The following CELF2 variants were observed in gnomAD, a reference collection of about 807,000 sequenced individuals.
CELF2 encodes the protein CUGBP Elav-like family member 2, also known as CUG triplet repeat RNA-binding protein 2.
A neutral mutation model predicts 62.6 loss-of-function variants in CELF2; 8 were observed. The ratio of observed to expected loss-of-function variants is 0.13; its 90% CI spans 0.07 to 0.23. The LOEUF (loss-of-function observed/expected upper bound fraction) is 0.23. CELF2 is among the 10% of genes least tolerant of loss of function. The probability of loss-of-function intolerance (pLI) is 1.00; values close to 1 mark genes in which losing one functional copy is unlikely to be tolerated. For synonymous variants in CELF2, 258 were observed against 250.0 expected (o/e 1.03, Z -0.30); for missense variants, 333 against 671.0 (o/e 0.50, Z 5.56).
At chr10:10,715,494 T>A in the CELF2 span, among the ~76,000 whole-genome samples, 1 of 152,250 alleles carries the variant, frequency 6.6e-6, no homozygotes. Flanking sequence ...CCATATTTAC[T>A]GTTTACTACC....
At chr10:10,503,317 A>C in the CELF2 span, among the ~76,000 whole-genome samples, 1 of 151,972 alleles carries the variant, frequency 6.6e-6, no homozygotes, top group Non-Finnish European at 1.5e-5. Context: ...AGTTGCGGAA[A>C]GCAGAATGTT....
rs1420559531 is a variant in CELF2 at position 11,306,277 on chromosome 10, C to T, written c.977-7862C>T. ...TAGACCGCACCTCTCCTGAGATGCTCCTTTGGCATTTTGTAAAACTTTTAA... is the reference window on the plus strand; with the variant it reads ...TAGACCGCACCTCTCCTGAGATGCTTCTTTGGCATTTTGTAAAACTTTTAA... On this transcript the variant is annotated intron_variant, in intron 9 of 12. Coordinates refer to ENST00000633077, the MANE Select transcript of CELF2 (RefSeq NM_001326342.2). This position sits in a 1 kb window ranked among gnomAD's most constrained non-coding sequence, Gnocchi z 4.4. 6.6e-6 allele frequency among the ~76,000 whole-genome samples: 1 copy of T among 151,854 alleles called. No individual in the cohort carries two copies. Among genetic ancestry groups the T allele is most frequent in the Non-Finnish European group, 1.5e-5 (1 of 67,994 alleles).
the CELF2 span, among the ~76,000 whole-genome samples, chr10:10,619,762 T>C: frequency 6.6e-6 from 1 of 152,200 alleles, no homozygotes; most frequent in Non-Finnish European, 1.5e-5. Flanking sequence ...GAAAAACATT[T>C]TCCTAAGGGT....
Position 11,269,506 on chromosome 10 carries a change from T to C in CELF2, c.619-1160T>C. On this transcript the variant is annotated intron_variant, in intron 6 of 12. Coordinates refer to ENST00000633077, the MANE Select transcript of CELF2 (RefSeq NM_001326342.2). The surrounding 1 kb of genome is among the most constrained non-coding windows in gnomAD (Gnocchi z 4.4). ...CATTTAAATAGGAATATAACATTTC[T>C]GAGAGGAGAGAGAGAGAGGTCTATT... Among the ~76,000 whole-genome samples the C allele has an allele frequency of 6.6e-6, 1 of 152,160 alleles. No individual in the cohort carries two copies. The highest frequency in any genetic ancestry group is 1.9e-4 in the East Asian group (1 of 5,202).
chr10:10,844,374 T>C (rs1211569582), intron 1 of CELF2, among the ~76,000 whole-genome samples: 4 of 152,080 alleles, frequency 2.6e-5, no homozygotes, highest in Non-Finnish European at 5.9e-5. Flanking sequence ...AAGGAGTATT[T>C]ATTAATACTT....
At chr10:10,978,498 T>A (rs1328347485) in intron 2 of CELF2, among the ~76,000 whole-genome samples, 1 of 152,226 alleles carries the variant, frequency 6.6e-6, no homozygotes, top group Non-Finnish European at 1.5e-5. Context: ...CTTAGGTCTC[T>A]GACGTGGTTT....
Position 11,142,683 on chromosome 10 carries a change from C to CAAAAA in CELF2, c.75-22787_75-22783dup, listed in dbSNP as rs1006618543. 3.4e-3 allele frequency among the ~76,000 whole-genome samples: 219 copies of CAAAAA among 63,612 alleles called. 6 individuals are homozygous for CAAAAA. The highest frequency in any genetic ancestry group is 8.8e-3 in the African/African-American group (155 of 17,596). 41.7% of individuals were successfully genotyped at this position (63,612 alleles called of 152,430 possible). On this transcript the variant is annotated intron_variant, in intron 1 of 12. Transcript: ENST00000633077. ...TGGGTGACAGAGCGAGACGCTGTCT[C>CAAAAA]AAAAAAAAAAAAAAAAAAAAGCAGA...
At chr10:10,489,706 A>C in the CELF2 span, among the ~76,000 whole-genome samples, 2 of 152,094 alleles carry the variant, frequency 1.3e-5, no homozygotes, top group African/African-American at 2.4e-5. Context: ...TAGTCCATTA[A>C]TTATTTGAGA....
At chr10:11,188,481 C>T (rs1267565122) in intron 2 of CELF2, among the ~76,000 whole-genome samples, 2 of 152,280 alleles carry the variant, frequency 1.3e-5, no homozygotes, top group East Asian at 3.9e-4. Flanking sequence ...AAAGACATTG[C>T]TTCACTGTCT....
chr10:10,686,346 G>GT, the CELF2 span, among the ~76,000 whole-genome samples: 4 of 134,666 alleles, frequency 3.0e-5, no homozygotes, highest in African/African-American at 7.9e-5. Flanking sequence ...GTTTTGTTTT[G>GT]TTTTTTTGCA....
chr10:10,599,634 CA>C, the CELF2 span, among the ~76,000 whole-genome samples: 7 of 152,030 alleles, frequency 4.6e-5, no homozygotes, highest in Non-Finnish European at 1.5e-5. Context: ...AAAAGGTTAT[CA>C]CTGTGCGCTT....
the CELF2 span, among the ~76,000 whole-genome samples, chr10:10,612,874 T>C: frequency 6.6e-6 from 1 of 152,202 alleles, no homozygotes; most frequent in Admixed American, 6.5e-5. Flanking sequence ...GCATTCCATA[T>C]AGTAAGAAAG....
chr10:11,034,362 T>C (rs1176661209), intron 1 of CELF2, among the ~76,000 whole-genome samples: 10 of 63,270 alleles, frequency 1.6e-4, no homozygotes, highest in Non-Finnish European at 3.3e-4. Context: ...TAATTTTTAT[T>C]TTTTTTTGCT....
rs1268131303 is a variant in CELF2 at position 11,217,973 on chromosome 10, T to C, written c.354+466T>C. ...CTAATGGTTTCTAAACAGTCAATGG[T>C]GGTTAACAAAGTCAGTGTTTTAATA... On this transcript the variant is annotated intron_variant, in intron 3 of 12. Coordinates refer to ENST00000633077, the MANE Select transcript of CELF2 (RefSeq NM_001326342.2). This position sits in a 1 kb window ranked among gnomAD's most constrained non-coding sequence, Gnocchi z 5.6. Among the ~76,000 whole-genome samples the C allele has an allele frequency of 6.6e-6, 1 of 152,210 alleles. No individual in the cohort carries two copies. The highest frequency in any genetic ancestry group is 1.5e-5 in the Non-Finnish European group (1 of 68,040).
intron 1 of CELF2, among the ~76,000 whole-genome samples, chr10:10,861,883 A>G (rs145126808): frequency 1.6e-3 from 251 of 152,304 alleles, no homozygotes; most frequent in African/African-American, 5.8e-3. Flanking sequence ...ACCATTATAT[A>G]ATTAGAAATA....
chr10:11,133,799 G>GTTCT (rs1441855895), intron 1 of CELF2, among the ~76,000 whole-genome samples: 1 of 152,162 alleles, frequency 6.6e-6, no homozygotes, highest in Non-Finnish European at 1.5e-5. Flanking sequence ...CTTCCCTGGA[G>GTTCT]TTCTAGTAAA....
chr10:10,602,343 T>C, the CELF2 span, among the ~76,000 whole-genome samples: 1 of 152,140 alleles, frequency 6.6e-6, no homozygotes, highest in Admixed American at 6.5e-5. Flanking sequence ...CTTTGAACCC[T>C]GGTTACAAGT....
At chr10:10,869,568 G>GAA (rs34926580) in intron 1 of CELF2, among the ~76,000 whole-genome samples, 31 of 150,562 alleles carry the variant, frequency 2.1e-4, no homozygotes, top group South Asian at 8.4e-4. Flanking sequence ...TCATCTGGGG[G>GAA]AAAAAAAAAT....
At chr10:11,171,309 G>C (rs1452391155) in intron 2 of CELF2, 1 of 152,212 alleles carries the variant, frequency 6.6e-6, no homozygotes, top group Admixed American at 6.5e-5. Context: ...TGCTCTTGCT[G>C]TTTCAGCCTC....
Sources: gnomAD v4.1 joint callset for allele counts (sites outside exome capture counted in the v4.1 genomes callset) on GRCh38, gnomAD v4.1.1 for gene constraint, Gnocchi (gnomAD v3.1) non-coding constraint, MANE v1.5 for transcripts, NCBI Gene and HGNC (gene_info 2026-07-23, HGNC 2026-07-21) for gene names.